The following FAM171A1 variants were observed in gnomAD, a reference collection of about 807,000 sequenced individuals.
FAM171A1 encodes the protein family with sequence similarity 171 member A1.
Under a neutral mutation model 74.9 loss-of-function variants are expected in FAM171A1, and 23 were observed. That is an observed-to-expected ratio of 0.31 (90% CI 0.22 to 0.44). FAM171A1 has a LOEUF of 0.44. FAM171A1 is among the 20% of genes least tolerant of loss of function. FAM171A1 has a pLI of 1.00. For missense variants in FAM171A1, 1,162 were observed against 1,159.2 expected (o/e 1.00, Z -0.03); for synonymous variants, 527 against 505.7 (o/e 1.04, Z -0.57).
Position 15,254,844 on chromosome 10 carries a change from T to A in FAM171A1, c.454A>T (p.Arg152Trp), listed in dbSNP as rs1410008341. 1 of 1,614,072 alleles carries A rather than the reference T, an allele frequency of 6.2e-7. No homozygotes were observed. The highest frequency in any genetic ancestry group is 1.1e-5 in the South Asian group (1 of 91,080). Residue 152 changes from arginine (R) to tryptophan (W), a missense_variant, in exon 4 of 8, where the codon AGG becomes TGG. Coordinates refer to ENST00000378116, the MANE Select transcript of FAM171A1 (RefSeq NM_001010924.2). ...RPQPRVHFQR[R>W]ALRLPENTSY... The stretch of plus-strand genomic sequence containing the variant: ...GTGTTCTCAGGCAACCTCAGAGCCC[T>A]TCTCTGGAAATGAACGCGAGGCTGT...
At chr10:15,299,255 A>T (rs566349790) in intron 1 of FAM171A1, among the ~76,000 whole-genome samples, 1 of 152,290 alleles carries the variant, frequency 6.6e-6, no homozygotes, top group East Asian at 1.9e-4. Context: ...ATGAAGGCAC[A>T]AAGTCCCCTT....
chr10:15,228,917 G>A (rs562686537), intron 5 of FAM171A1, among the ~76,000 whole-genome samples: 2 of 152,296 alleles, frequency 1.3e-5, no homozygotes, highest in African/African-American at 4.8e-5. Context: ...TCTTTGTCAC[G>A]TAAACACTAA....
chr10:15,320,671 G>A (rs1835476684), intron 1 of FAM171A1, among the ~76,000 whole-genome samples: 1 of 152,188 alleles, frequency 6.6e-6, no homozygotes, highest in Non-Finnish European at 1.5e-5. Context: ...TGACTGGTAT[G>A]AGATGGTATC....
chr10:15,314,932 C>T (rs537445208), intron 1 of FAM171A1, among the ~76,000 whole-genome samples: 66 of 152,326 alleles, frequency 4.3e-4, no homozygotes, highest in African/African-American at 1.5e-3. Flanking sequence ...CCGGTTCCTC[C>T]GGGATGGGTG....
At chr10:15,289,650 C>G (rs1234687795) in intron 1 of FAM171A1, among the ~76,000 whole-genome samples, 1 of 152,228 alleles carries the variant, frequency 6.6e-6, no homozygotes, top group South Asian at 2.1e-4. Flanking sequence ...ATACACTCAG[C>G]TGACCTCTCC....
chr10:15,220,838 A>G, intron 6 of FAM171A1, 106 bp downstream of exon 6: 1 of 804,696 alleles, frequency 1.2e-6, no homozygotes, highest in Non-Finnish European at 2.0e-6. Context: ...TTTTTGAATA[A>G]GATGTGATCG....
At chr10:15,352,500 T>C (rs999042617) in intron 1 of FAM171A1, among the ~76,000 whole-genome samples, 5 of 152,220 alleles carry the variant, frequency 3.3e-5, no homozygotes, top group African/African-American at 1.2e-4. Context: ...CACTTTAACA[T>C]GTATTGATTT....
chr10:15,233,663 G>A (rs1834240144), intron 5 of FAM171A1, among the ~76,000 whole-genome samples: 1 of 152,050 alleles, frequency 6.6e-6, no homozygotes, highest in Non-Finnish European at 1.5e-5. Flanking sequence ...CAGCACTTTG[G>A]GAGGCCGAGG....
intron 1 of FAM171A1, among the ~76,000 whole-genome samples, chr10:15,330,957 T>C (rs1398570477): frequency 6.6e-6 from 1 of 151,970 alleles, no homozygotes; most frequent in Non-Finnish European, 1.5e-5. Flanking sequence ...TGGCATGATC[T>C]CGGCTCACTG....
intron 1 of FAM171A1, among the ~76,000 whole-genome samples, chr10:15,366,726 T>C (rs1194643670): frequency 2.0e-5 from 3 of 152,266 alleles, no homozygotes; most frequent in Non-Finnish European, 2.9e-5. Flanking sequence ...TACAGCATTA[T>C]ACATACCTGC....
intron 7 of FAM171A1, among the ~76,000 whole-genome samples, chr10:15,214,849 C>T (rs765945192): frequency 3.1e-4 from 47 of 151,800 alleles, no homozygotes; most frequent in Non-Finnish European, 4.9e-4. Flanking sequence ...CAGGCTTGAC[C>T]TCATGGGCTC....
At chr10:15,304,428 C>T (rs1029541637) in intron 1 of FAM171A1, among the ~76,000 whole-genome samples, 1 of 152,122 alleles carries the variant, frequency 6.6e-6, no homozygotes, top group Admixed American at 6.5e-5. Flanking sequence ...TATTCCAGGC[C>T]ACCCTTCCCT....
At chr10:15,219,099 A>G (rs1225481570) in intron 6 of FAM171A1, among the ~76,000 whole-genome samples, 6 of 152,146 alleles carry the variant, frequency 3.9e-5, no homozygotes. Flanking sequence ...CCTGACTAAC[A>G]TGGTGAAACC....
chr10:15,299,482 GTTTTTGTTT>G (rs1835202216), intron 1 of FAM171A1, among the ~76,000 whole-genome samples: 1 of 137,714 alleles, frequency 7.3e-6, no homozygotes, highest in Non-Finnish European at 1.6e-5. Context: ...TACAGTTTTT[GTTTTTGTTT>G]TTTTTGTTTT....
At chr10:15,220,014 A>G (rs1834017408) in intron 6 of FAM171A1, among the ~76,000 whole-genome samples, 1 of 152,248 alleles carries the variant, frequency 6.6e-6, no homozygotes, top group African/African-American at 2.4e-5. Flanking sequence ...TGTGAGTCTA[A>G]GTGCTAATTC....
intron 1 of FAM171A1, among the ~76,000 whole-genome samples, chr10:15,356,131 A>G (rs1384430099): frequency 1.3e-5 from 2 of 152,052 alleles, no homozygotes; most frequent in East Asian, 1.9e-4. Context: ...ATGCTTCCAC[A>G]TTAAAAAAGT....
chr10:15,323,015 C>T (rs556691742), intron 1 of FAM171A1, among the ~76,000 whole-genome samples: 1 of 151,490 alleles, frequency 6.6e-6, no homozygotes, highest in East Asian at 1.9e-4. Flanking sequence ...TGGTGCACGC[C>T]TATAATCCCA....
chr10:15,229,692 A>ATCATCACCATCACCC (rs1564616697), intron 5 of FAM171A1, among the ~76,000 whole-genome samples: 1 of 109,386 alleles, frequency 9.1e-6, no homozygotes. Flanking sequence ...CACCATCACC[A>ATCATCACCATCACCC]CCATCACCAT....
Position 15,238,897 on chromosome 10 carries a change from G to A in FAM171A1, c.754+9742C>T, listed in dbSNP as rs186724947. ...TTTCTATCATCTCATTAGAATGAGAGTATCCAAATCATATAATCCAGGTTG... is the reference window on the plus strand; with the variant it reads ...TTTCTATCATCTCATTAGAATGAGAATATCCAAATCATATAATCCAGGTTG... On this transcript the variant is annotated intron_variant, in intron 5 of 7. Transcript: ENST00000378116. 2.6e-5 allele frequency among the ~76,000 whole-genome samples: 4 copies of A among 152,330 alleles called. No individual in the cohort carries two copies. The East Asian group carries it at 5.8e-4, about 22-fold the overall frequency.
Sources: allele counts gnomAD v4.1 joint callset (sites outside exome capture counted in the v4.1 genomes callset), GRCh38; gene constraint gnomAD v4.1.1; transcripts MANE v1.5; gene names NCBI Gene and HGNC (gene_info 2026-07-23, HGNC 2026-07-21).